Variants in EGFLAM observed in about 807,000 individuals in gnomAD.
EGFLAM encodes EGF like, fibronectin type III and laminin G domains.
A neutral mutation model predicts 113.1 loss-of-function variants in EGFLAM; 79 were observed. The ratio of observed to expected loss-of-function variants is 0.70; its 90% confidence interval spans 0.58 to 0.84. The LOEUF is 0.84. EGFLAM is among the 40% of genes least tolerant of loss of function. EGFLAM has a pLI of 0.00. For missense variants in EGFLAM, 1,265 were observed against 1,291.6 expected (o/e 0.98, Z 0.32); for synonymous variants, 504 against 487.6 (o/e 1.03, Z -0.44).
intron 5 of EGFLAM, among the ~76,000 whole-genome samples, chr5:38,367,043 C>T (rs1740078495): frequency 6.6e-6 from 1 of 152,220 alleles, no homozygotes. Context: ...CCTTCCAAAG[C>T]TGAGCCACTG....
At chr5:38,381,312 A>G (rs989977924) in intron 6 of EGFLAM, among the ~76,000 whole-genome samples, 1 of 152,172 alleles carries the variant, frequency 6.6e-6, no homozygotes, top group Non-Finnish European at 1.5e-5. Context: ...GTAGGGCCAC[A>G]GTTGTTGTTC....
intron 19 of EGFLAM, among the ~76,000 whole-genome samples, chr5:38,456,223 G>A (rs1208262749): frequency 6.6e-6 from 1 of 152,150 alleles, no homozygotes; most frequent in Admixed American, 6.5e-5. Flanking sequence ...ATTCTTCAGG[G>A]AAGGGATTAT....
intron 1 of EGFLAM, among the ~76,000 whole-genome samples, chr5:38,270,558 T>G (rs1757742010): frequency 6.6e-6 from 1 of 152,154 alleles, no homozygotes; most frequent in East Asian, 1.9e-4. Flanking sequence ...AGCCACAACC[T>G]ACACCCATAA....
chr5:38,342,622 T>A (rs908263304), intron 3 of EGFLAM, among the ~76,000 whole-genome samples: 3 of 152,204 alleles, frequency 2.0e-5, no homozygotes, highest in African/African-American at 7.2e-5. Flanking sequence ...ATCTTTTTCT[T>A]AAAATAATAC....
rs1320450083 is a variant in EGFLAM, at chr5:38,350,628, G to T, written c.409+10G>T. ...ACCACTTTGTCCCAAGGTAAAGTAGGTTCAAATTCATTAATAGGTGGCAGG... is the reference window on the plus strand; with the variant it reads ...ACCACTTTGTCCCAAGGTAAAGTAGTTTCAAATTCATTAATAGGTGGCAGG... On this transcript the variant is annotated intron_variant, in intron 4 of 21. Transcript: ENST00000322350. 3.7e-6 allele frequency: 6 copies of T among 1,611,628 alleles called. No individual in the cohort carries two copies. The highest frequency in any genetic ancestry group is 3.4e-6 in the Non-Finnish European group (4 of 1,178,880).
chr5:38,355,285 T>G (rs1422900356), intron 5 of EGFLAM, among the ~76,000 whole-genome samples: 1 of 152,212 alleles, frequency 6.6e-6, no homozygotes, highest in Non-Finnish European at 1.5e-5. Context: ...ATCCACTGGC[T>G]TCTTCCTCCT....
At chr5:38,449,063 C>T (rs1413344836) in intron 18 of EGFLAM, among the ~76,000 whole-genome samples, 6 of 152,184 alleles carry the variant, frequency 3.9e-5, no homozygotes, top group Non-Finnish European at 5.9e-5. Flanking sequence ...ATCCTCAACT[C>T]GGTCAAGCTT....
intron 6 of EGFLAM, among the ~76,000 whole-genome samples, chr5:38,378,171 G>A (rs1013838965): frequency 6.6e-6 from 1 of 152,010 alleles, no homozygotes; most frequent in African/African-American, 2.4e-5. Flanking sequence ...CTGATTCCAT[G>A]CTGTTCCCCA....
At chr5:38,368,466 C>T (rs1157056866) in intron 5 of EGFLAM, among the ~76,000 whole-genome samples, 1 of 152,178 alleles carries the variant, frequency 6.6e-6, no homozygotes, top group East Asian at 1.9e-4. Flanking sequence ...CTCCATCTGG[C>T]TTTCAATCAT....
chr5:38,266,333 C>A (rs1420173326), intron 1 of EGFLAM, among the ~76,000 whole-genome samples: 1 of 152,174 alleles, frequency 6.6e-6, no homozygotes, highest in Non-Finnish European at 1.5e-5. Context: ...CCATAATCCT[C>A]AGTTTACTGA....
Position 38,352,312 on chromosome 5 carries a change from T to C in EGFLAM, c.526T>C (p.Tyr176His), listed in dbSNP as rs539045553. 19 of 1,614,048 alleles carry C rather than the reference T, an allele frequency of 1.2e-5. No individual in the cohort carries two copies. The South Asian group carries it at 1.3e-4, about 11-fold the overall frequency. The change falls in exon 5 of 22, where the codon TAT (tyrosine) becomes CAT (histidine). Residue 176 changes from tyrosine (Y) to histidine (H), a missense_variant. By Grantham distance (83) the Tyr-to-His change is moderately conservative (BLOSUM62 2). Coordinates refer to ENST00000322350, the MANE Select transcript of EGFLAM (RefSeq NM_152403.4). ...ASEGSAPIQY[Y>H]SVEFIRPDFD... ...TGAAGGAAGCGCCCCTATTCAGTAC[T>C]ATTCTGTGGAATTCATCAGGTAAGT...
At chr5:38,413,185 A>ATTTTTTTT (rs34326457) in intron 11 of EGFLAM, among the ~76,000 whole-genome samples, 11 of 100,898 alleles carry the variant, frequency 1.1e-4, no homozygotes, top group Non-Finnish European at 1.7e-4. Context: ...TGCCTGGCTA[A>ATTTTTTTT]TTTTTTTTTT....
At chr5:38,427,985 C>A (rs2956593) in intron 14 of EGFLAM, among the ~76,000 whole-genome samples, 1 of 152,002 alleles carries the variant, frequency 6.6e-6, no homozygotes, top group Non-Finnish European at 1.5e-5. Context: ...TAGATGCAGA[C>A]GCTTTTATTT....
In EGFLAM at chr5:38,464,022, ATTCTG is replaced by A. The variant is rs1561111424; in HGVS notation, c.*37_*41del. On this transcript the variant is annotated 3_prime_UTR_variant, in exon 22 of 22. Coordinates refer to ENST00000322350, the MANE Select transcript of EGFLAM (RefSeq NM_152403.4). ...CCTTGTCCAAGGGACAGAGCCTTCT[ATTCTG>A]AGAATCCCAGGGGCCCTCAGACCCT... 1 of 1,613,402 alleles carries A rather than the reference ATTCTG, an allele frequency of 6.2e-7. No homozygotes were observed.
intron 13 of EGFLAM, among the ~76,000 whole-genome samples, chr5:38,426,509 G>T (rs1742014425): frequency 6.6e-6 from 1 of 152,172 alleles, no homozygotes; most frequent in Admixed American, 6.5e-5. Context: ...AAACTTTTGT[G>T]ATCTCAAATC....
At chr5:38,418,552 A>T (rs1384542344) in intron 12 of EGFLAM, among the ~76,000 whole-genome samples, 1 of 152,232 alleles carries the variant, frequency 6.6e-6, no homozygotes, top group Non-Finnish European at 1.5e-5. Context: ...TTACTGGACA[A>T]AGCAACAAGC....
chr5:38,357,018 C>T (rs1353984439), intron 5 of EGFLAM, among the ~76,000 whole-genome samples: 1 of 152,178 alleles, frequency 6.6e-6, no homozygotes, highest in East Asian at 1.9e-4. Flanking sequence ...CCCAGGAGGT[C>T]TCTCACCCCT....
chr5:38,427,327 G>A (rs756949857), intron 14 of EGFLAM, 75 bp downstream of exon 14: 17 of 1,567,374 alleles, frequency 1.1e-5, no homozygotes, highest in Middle Eastern at 2.3e-4. Context: ...AAACCAAATC[G>A]CCATTCAACA....
At chr5:38,395,421 A>AT (rs1272099930) in intron 6 of EGFLAM, among the ~76,000 whole-genome samples, 1 of 150,608 alleles carries the variant, frequency 6.6e-6, no homozygotes, top group African/African-American at 2.4e-5. Context: ...CTAATTAAAA[A>AT]TTTTTTTTTC....
Sources: allele counts gnomAD v4.1 joint callset (sites outside exome capture counted in the v4.1 genomes callset), GRCh38; gene constraint gnomAD v4.1.1; transcripts MANE v1.5; gene names NCBI Gene and HGNC (gene_info 2026-07-23, HGNC 2026-07-21).